Variants in ITGA11 observed in about 807,000 individuals in gnomAD.
ITGA11 encodes integrin subunit alpha 11.
Under a neutral mutation model 141.9 loss-of-function variants are expected in ITGA11, and 97 were observed. That is an observed-to-expected ratio of 0.68 (90% CI 0.58 to 0.81). The LOEUF is 0.81. Among genes scored for constraint, ITGA11 ranks in the 30% least tolerant of loss-of-function variants. The pLI, the probability that ITGA11 is intolerant of heterozygous loss-of-function variation, is 0.00. For missense variants in ITGA11, 1,387 were observed against 1,559.2 expected, an observed-to-expected ratio of 0.89 and a Z score of 1.86; for synonymous variants, 658 against 624.6, an observed-to-expected ratio of 1.05 and a Z score of -0.80.
chr15:68,416,601 T>C (rs1378206983), intron 1 of ITGA11, among the ~76,000 whole-genome samples: 1 of 152,200 alleles, frequency 6.6e-6, no homozygotes, highest in Non-Finnish European at 1.5e-5. Context: ...ATCTCATGCC[T>C]TCAGAGAATA....
rs908538973 is a variant in ITGA11, at chr15:68,308,543, C to T, written c.3175-847G>A. Among the ~76,000 whole-genome samples the T allele has an allele frequency of 3.9e-5, 6 of 152,194 alleles. No homozygotes were observed. The highest frequency in any genetic ancestry group is 1.2e-4 in the African/African-American group (5 of 41,516). ...GATCACAAGGTCAGGAGATCGAGACCATCCTGGCTAACACAGTGAAACCCC... is the reference window on the plus strand; with the variant it reads ...GATCACAAGGTCAGGAGATCGAGACTATCCTGGCTAACACAGTGAAACCCC... On this transcript the variant is annotated intron_variant, in intron 26 of 29. Coordinates refer to ENST00000315757, the MANE Select transcript of ITGA11 (RefSeq NM_001004439.2). The surrounding 1 kb of genome is among the most constrained non-coding windows in gnomAD (Gnocchi z 5.2).
At chr15:68,410,240 G>C (rs1337709483) in intron 1 of ITGA11, among the ~76,000 whole-genome samples, 2 of 152,238 alleles carry the variant, frequency 1.3e-5, no homozygotes, top group Non-Finnish European at 2.9e-5. Context: ...CCTCTCCGCA[G>C]CCCTGCCCCA....
rs577421260 is a variant in ITGA11 at position 68,399,865 on chromosome 15, G to A, written c.164+3053C>T. ...TACCTATTGGGTAGCTCACTACCTG[G>A]GTGACGGGATCACTTGTACCCCAAA... On this transcript the variant is annotated intron_variant, in intron 2 of 29. Transcript: ENST00000315757. 1.1e-3 allele frequency among the ~76,000 whole-genome samples: 162 copies of A among 152,042 alleles called. 1 individual carries two copies. The highest frequency in any genetic ancestry group is 1.2e-3 in the Non-Finnish European group (79 of 67,972).
In ITGA11 at chr15:68,301,353, G is replaced by C. The variant is rs1893020485; in HGVS notation, c.*1706C>G. ...CGCCTTGGCTGATGTCAGAGTGTAAGACGGTTAACAATGAAACCGGCCTGG... is the reference window on the plus strand; with the variant it reads ...CGCCTTGGCTGATGTCAGAGTGTAACACGGTTAACAATGAAACCGGCCTGG... On this transcript the variant is annotated 3_prime_UTR_variant, in exon 30 of 30. Transcript: ENST00000315757. This position sits in a 1 kb window ranked among gnomAD's most constrained non-coding sequence, Gnocchi z 4.4. 6.6e-6 allele frequency: 1 copy of C among 152,308 alleles called. No homozygotes were observed. The highest frequency in any genetic ancestry group is 1.5e-5 in the Non-Finnish European group (1 of 68,088). 9.4% of individuals were successfully genotyped at this position (152,308 alleles called of 1,614,324 possible).
At chr15:68,332,842 G>A (rs1465120149) in intron 12 of ITGA11, among the ~76,000 whole-genome samples, 6 of 150,712 alleles carry the variant, frequency 4.0e-5, no homozygotes, top group East Asian at 1.9e-4. Flanking sequence ...TACCACGAAC[G>A]TTTTAGTGGA....
intron 10 of ITGA11, among the ~76,000 whole-genome samples, chr15:68,343,657 C>T (rs764563309): frequency 7.2e-5 from 11 of 152,180 alleles, no homozygotes; most frequent in South Asian, 2.1e-4. Flanking sequence ...TAGAGGACAC[C>T]GAGGCTGTCC....
At chr15:68,416,416 T>C (rs1293003127) in intron 1 of ITGA11, among the ~76,000 whole-genome samples, 1 of 152,174 alleles carries the variant, frequency 6.6e-6, no homozygotes, top group Admixed American at 6.5e-5. Flanking sequence ...GAGCAAGGGC[T>C]GGTGAGAGCC....
chr15:68,328,073 G>A lies in ITGA11; in HGVS notation c.2068+23C>T. 1 of 1,605,186 alleles carries A rather than the reference G, an allele frequency of 6.2e-7. No homozygotes were observed. Among genetic ancestry groups the A allele is most frequent in the Middle Eastern group, 1.7e-4 (1 of 6,030 alleles). On this transcript the variant is annotated intron_variant, in intron 16 of 29. Transcript: ENST00000315757. This position sits in a 1 kb window ranked among gnomAD's most constrained non-coding sequence, Gnocchi z 4.8. ...GGGGAGACTGGAGTCTGGGGGTGGG[G>A]AGAAAGGAGGGGCCTGCTTTACCAA...
At chr15:68,358,397 G>T in intron 6 of ITGA11, 61 bp downstream of exon 6, 1 of 1,524,460 alleles carries the variant, frequency 6.6e-7, no homozygotes, top group South Asian at 1.3e-5. Flanking sequence ...ACCTAAGGCA[G>T]CACCTGCCAT....
intron 10 of ITGA11, among the ~76,000 whole-genome samples, chr15:68,347,818 C>A (rs1403462121): frequency 1.3e-5 from 2 of 152,148 alleles, no homozygotes; most frequent in African/African-American, 4.8e-5. Flanking sequence ...GAGAGGGCAA[C>A]AGGATGACAG....
chr15:68,344,403 C>A (rs1894675341), intron 10 of ITGA11, among the ~76,000 whole-genome samples: 1 of 152,156 alleles, frequency 6.6e-6, no homozygotes, highest in Non-Finnish European at 1.5e-5. Flanking sequence ...AAATGCGAAA[C>A]CCTTAGGGAA....
intron 11 of ITGA11, 123 bp downstream of exon 11, chr15:68,339,377 G>T: frequency 3.6e-6 from 4 of 1,118,134 alleles, no homozygotes; most frequent in Non-Finnish European, 2.5e-6. Flanking sequence ...AGAGTTGGGT[G>T]CTTGAATCAG....
intron 21 of ITGA11, among the ~76,000 whole-genome samples, chr15:68,316,765 T>C (rs7172210): frequency 0.13 from 19,696 of 152,228 alleles, 3,657 homozygotes; most frequent in African/African-American, 0.41. Flanking sequence ...TATGGCTGCC[T>C]GCTGCCCAGG....
rs766990275 is a variant in ITGA11, at chr15:68,350,702, A to G, written c.975T>C (p.Asp325=). The change falls in exon 9 of 30, where the codon GAT becomes GAC. Residue 325 remains aspartate, a synonymous_variant. Coordinates refer to ENST00000315757, the MANE Select transcript of ITGA11 (RefSeq NM_001004439.2). The part of the protein sequence containing the change: ...NEIKYIASDP[D]DKHFFNVTDE... The stretch of plus-strand genomic sequence containing the variant: ...CAGTGACATTGAAGAAGTGCTTGTC[A>G]TCAGGGTCACTGGCGATGTATTTGA... 3.7e-6 allele frequency: 6 copies of G among 1,613,958 alleles called. No homozygotes were observed. Among genetic ancestry groups the G allele is most frequent in the Non-Finnish European group, 4.2e-6 (5 of 1,179,838 alleles).
intron 5 of ITGA11, 37 bp from the exon 6 acceptor site, chr15:68,358,622 G>C: frequency 1.3e-6 from 2 of 1,587,830 alleles, no homozygotes; most frequent in South Asian, 2.3e-5. Flanking sequence ...TACCCAAGGA[G>C]CAGTGTCTGC....
At chr15:68,399,518 C>T (rs1355981834) in intron 2 of ITGA11, among the ~76,000 whole-genome samples, 2 of 152,028 alleles carry the variant, frequency 1.3e-5, no homozygotes, top group African/African-American at 4.8e-5. Flanking sequence ...TATGTTTTAT[C>T]ACAGCACTAT....
intron 2 of ITGA11, 129 bp from the exon 3 acceptor site, chr15:68,369,413 C>T (rs1895522130): frequency 3.1e-6 from 2 of 646,474 alleles, no homozygotes; most frequent in Non-Finnish European, 2.8e-6. Flanking sequence ...GGAGGTGTGA[C>T]CACATGCAGA....
chr15:68,383,749 C>T (rs11637411), intron 2 of ITGA11, among the ~76,000 whole-genome samples: 1 of 152,144 alleles, frequency 6.6e-6, no homozygotes, highest in Non-Finnish European at 1.5e-5. Context: ...TTCAACATTT[C>T]TTTATTCTCC....
Position 68,336,076 on chromosome 15 carries a change from C to A in ITGA11, c.1277-231G>T. The A allele has an allele frequency of 5.2e-6, 3 of 579,184 alleles. No homozygotes were observed. In the South Asian group the frequency reaches 6.3e-5, roughly 12 times the overall value. 35.9% of individuals were successfully genotyped at this position (579,184 alleles called of 1,614,324 possible). A position where few individuals can be genotyped will look rare whatever the true frequency, so the allele number is the denominator to read the frequency against. On this transcript the variant is annotated intron_variant, in intron 11 of 29. Coordinates refer to ENST00000315757, the MANE Select transcript of ITGA11 (RefSeq NM_001004439.2). Reference sequence around the variant, plus strand: ...GAGGGTAGGGAGAACTCACTGCACCCCAGCCCCTGCTGGAGAAAATAAAGG... The same window carrying A: ...GAGGGTAGGGAGAACTCACTGCACCACAGCCCCTGCTGGAGAAAATAAAGG...
Sources: allele counts gnomAD v4.1 joint callset (sites outside exome capture counted in the v4.1 genomes callset), GRCh38; gene constraint gnomAD v4.1.1; non-coding constraint Gnocchi (gnomAD v3.1); transcripts MANE v1.5; gene names NCBI Gene and HGNC (gene_info 2026-07-23, HGNC 2026-07-21).